Variants in LNX2 observed in about 807,000 individuals in gnomAD.
The protein encoded by LNX2 is ligand of Numb protein X 2.
A neutral mutation model predicts 66.2 loss-of-function variants in LNX2; 35 were observed. The ratio of observed to expected loss-of-function variants is 0.53; its 90% confidence interval spans 0.40 to 0.70. The LOEUF is 0.70. Among genes scored for constraint, LNX2 ranks in the 30% least tolerant of loss-of-function variants. The pLI, the probability that LNX2 is intolerant of heterozygous loss-of-function variation, is 0.00. For missense variants in LNX2, 791 were observed against 850.8 expected (o/e 0.93, Z 0.87); for synonymous variants, 337 against 315.6 (o/e 1.07, Z -0.72).
intron 9 of LNX2, among the ~76,000 whole-genome samples, chr13:27,548,692 G>C (rs1954972089): frequency 6.6e-6 from 1 of 152,158 alleles, no homozygotes; most frequent in Non-Finnish European, 1.5e-5. Context: ...ACCAGTAGGT[G>C]AATGTCAAGG....
chr13:27,621,070 G>C (rs570193651), upstream of LNX2: 2 of 153,234 alleles, frequency 1.3e-5, no homozygotes, highest in East Asian at 3.8e-4. Context: ...CGGGACGCAG[G>C]GAGCTGGATG....
At chr13:27,599,084 T>C (rs1453431138) in intron 1 of LNX2, among the ~76,000 whole-genome samples, 2 of 152,182 alleles carry the variant, frequency 1.3e-5, no homozygotes, top group African/African-American at 2.4e-5. Context: ...TCAATAATTA[T>C]ATGCTTCTGT....
At position 27,590,449 on chromosome 13, in the gene LNX2, C is replaced by T. The variant is rs143120553; in HGVS notation, c.-100-8646G>A. Among the ~76,000 whole-genome samples, 880 of 151,740 alleles carry T rather than the reference C, an allele frequency of 5.8e-3. 3 individuals are homozygous for T. The highest frequency in any genetic ancestry group is 0.017 in the African/African-American group (714 of 41,396). On this transcript the variant is annotated intron_variant, in intron 1 of 9. Coordinates refer to ENST00000316334, the MANE Select transcript of LNX2 (RefSeq NM_153371.4). ...GGTCAGGCTGGTCTCGAACCCCTGACCTCAAGTGATCTGCCCGCCTCGGCC... is the reference window on the plus strand; with the variant it reads ...GGTCAGGCTGGTCTCGAACCCCTGATCTCAAGTGATCTGCCCGCCTCGGCC...
At chr13:27,552,366 AT>A (rs1955016709) in intron 8 of LNX2, among the ~76,000 whole-genome samples, 1 of 152,228 alleles carries the variant, frequency 6.6e-6, no homozygotes, top group Non-Finnish European at 1.5e-5. Flanking sequence ...TTGAAGCACT[AT>A]ATAAATGCTA....
intron 5 of LNX2, among the ~76,000 whole-genome samples, chr13:27,561,565 TAAAG>T (rs768520939): frequency 4.6e-5 from 7 of 152,338 alleles, no homozygotes; most frequent in South Asian, 2.1e-4. Flanking sequence ...CTCAATACAA[TAAAG>T]AGAGTTGAGA....
chr13:27,563,271 G>C (rs1397301221), intron 4 of LNX2, among the ~76,000 whole-genome samples: 5 of 152,120 alleles, frequency 3.3e-5, no homozygotes, highest in Admixed American at 6.5e-5. Context: ...TTAAGCTAGA[G>C]AAAATAAATT....
At chr13:27,560,135 T>C in intron 5 of LNX2, 150 bp from the exon 6 acceptor site, 1 of 539,756 alleles carries the variant, frequency 1.9e-6, no homozygotes, top group Non-Finnish European at 3.0e-6. Flanking sequence ...GCAAGAGGAA[T>C]GAGTTCATTT....
At chr13:27,594,359 AT>A (rs566438035) in intron 1 of LNX2, among the ~76,000 whole-genome samples, 162 of 136,982 alleles carry the variant, frequency 1.2e-3, no homozygotes, top group African/African-American at 4.1e-3. Context: ...TTATCACATT[AT>A]TATAATCACC....
Position 27,545,983 on chromosome 13 carries a change from G to A in LNX2, c.*2352C>T, listed in dbSNP as rs1023200264. The A allele has an allele frequency of 1.3e-5, 2 of 152,094 alleles. No individual in the cohort carries two copies. The highest frequency in any genetic ancestry group is 2.9e-5 in the Non-Finnish European group (2 of 68,016). 9.4% of individuals were successfully genotyped at this position (152,094 alleles called of 1,614,324 possible). ...ATTATTTAAACATCTGAAAAATCCT[G>A]AAATAATTTAAACTGAAGGCACAGA... is the stretch of plus-strand genomic sequence containing the variant. On this transcript the variant is annotated 3_prime_UTR_variant, in exon 10 of 10. Transcript: ENST00000316334.
intron 8 of LNX2, among the ~76,000 whole-genome samples, chr13:27,551,104 A>C (rs1955002968): frequency 6.6e-6 from 1 of 152,174 alleles, no homozygotes; most frequent in African/African-American, 2.4e-5. Context: ...AAAAACACTA[A>C]CAAAAAATCT....
At chr13:27,614,911 G>C (rs1955810614) in intron 1 of LNX2, among the ~76,000 whole-genome samples, 1 of 152,082 alleles carries the variant, frequency 6.6e-6, no homozygotes, top group Non-Finnish European at 1.5e-5. Context: ...TGGAAACTGA[G>C]AGGAAATAAA....
intron 6 of LNX2, among the ~76,000 whole-genome samples, chr13:27,559,435 C>G (rs1017986849): frequency 3.9e-5 from 6 of 152,138 alleles, no homozygotes; most frequent in Admixed American, 3.3e-4. Context: ...AGGCAACAGG[C>G]TCAATTATTA....
chr13:27,596,722 A>G (rs1955602840), intron 1 of LNX2, among the ~76,000 whole-genome samples: 1 of 152,216 alleles, frequency 6.6e-6, no homozygotes, highest in South Asian at 2.1e-4. Context: ...TGATCTGCAC[A>G]TGATTTATGA....
At chr13:27,600,676 T>C (rs541624341) in intron 1 of LNX2, among the ~76,000 whole-genome samples, 1 of 152,306 alleles carries the variant, frequency 6.6e-6, no homozygotes, top group South Asian at 2.1e-4. Flanking sequence ...CTAGATTGGG[T>C]TCATTCTCAG....
rs1319064157 is a variant in LNX2, at chr13:27,546,726, CCATTT to C, written c.*1604_*1608del. Reference sequence around the variant, plus strand: ...GAAATACATTCTCTGATTATCAATACCATTTATTACAGAGGTCACTTGTAAATTTG... The same window carrying C: ...GAAATACATTCTCTGATTATCAATACATTACAGAGGTCACTTGTAAATTTG... On this transcript the variant is annotated 3_prime_UTR_variant, in exon 10 of 10. Coordinates refer to ENST00000316334, the MANE Select transcript of LNX2 (RefSeq NM_153371.4). 3.3e-5 allele frequency: 5 copies of C among 152,028 alleles called. No homozygotes were observed. The highest frequency in any genetic ancestry group is 1.2e-4 in the African/African-American group (5 of 41,378). The allele number at this position is 152,028 out of a possible 1,614,324, so 9.4% of individuals were successfully genotyped here. A position where few individuals can be genotyped will look rare whatever the true frequency, so the allele number is the denominator to read the frequency against.
At chr13:27,554,295 A>G (rs922655638) in intron 7 of LNX2, among the ~76,000 whole-genome samples, 1 of 152,206 alleles carries the variant, frequency 6.6e-6, no homozygotes, top group Admixed American at 6.5e-5. Flanking sequence ...TATTCAATTC[A>G]CCCATTTAAA....
At chr13:27,577,798 C>G (rs1200626734) in intron 2 of LNX2, among the ~76,000 whole-genome samples, 2 of 152,182 alleles carry the variant, frequency 1.3e-5, no homozygotes, top group Non-Finnish European at 2.9e-5. Context: ...ACAACAACAA[C>G]TAGCACTTAC....
chr13:27,584,436 C>T (rs935634630), intron 1 of LNX2, among the ~76,000 whole-genome samples: 2 of 151,190 alleles, frequency 1.3e-5, no homozygotes, highest in East Asian at 3.9e-4. Context: ...TGCCTGCAGT[C>T]CCAGCTACTC....
intron 2 of LNX2, among the ~76,000 whole-genome samples, chr13:27,569,742 C>T (rs963922779): frequency 1.3e-5 from 2 of 152,232 alleles, no homozygotes; most frequent in East Asian, 1.9e-4. Context: ...ACACACGACA[C>T]GCTCATTAAT....
Sources: allele counts gnomAD v4.1 joint callset (sites outside exome capture counted in the v4.1 genomes callset), GRCh38; gene constraint gnomAD v4.1.1; transcripts MANE v1.5; gene names NCBI Gene and HGNC (gene_info 2026-07-23, HGNC 2026-07-21).